PCSK6: variants seen among roughly 807,000 people sequenced by gnomAD.
PCSK6 encodes the protein proprotein convertase subtilisin/kexin type 6.
In PCSK6, 85 loss-of-function variants were observed where a neutral mutation model predicts 123.3. The ratio of observed to expected loss-of-function variants is 0.69; its 90% CI spans 0.58 to 0.83. PCSK6 has a LOEUF of 0.83. PCSK6 is among the 40% of genes least tolerant of loss of function. The pLI, the probability that PCSK6 is intolerant of heterozygous loss-of-function variation, is 0.00. For synonymous variants in PCSK6, 508 were observed against 516.0 expected (o/e 0.98, Z 0.21); for missense variants, 1,191 against 1,282.3 (o/e 0.93, Z 1.09).
At chr15:101,356,055 G>A (rs2041030235) in intron 13 of PCSK6, among the ~76,000 whole-genome samples, 1 of 152,244 alleles carries the variant, frequency 6.6e-6, no homozygotes, top group Non-Finnish European at 1.5e-5. Flanking sequence ...GTGGGAGAAT[G>A]AAGCATACAT....
intron 6 of PCSK6, among the ~76,000 whole-genome samples, chr15:101,401,762 G>A (rs1292034484): frequency 6.6e-6 from 1 of 152,322 alleles, no homozygotes; most frequent in Non-Finnish European, 1.5e-5. Flanking sequence ...TGTGTTTGCT[G>A]CTAGTTTGAC....
At chr15:101,370,027 C>T (rs1159467645) in intron 12 of PCSK6, among the ~76,000 whole-genome samples, 1 of 152,198 alleles carries the variant, frequency 6.6e-6, no homozygotes, top group African/African-American at 2.4e-5. Flanking sequence ...GAAGGCATAG[C>T]CAGAATTCCA....
rs141458326 is a variant in PCSK6 at position 101,356,833 on chromosome 15, G to A, written c.1858+9363C>T. ...TTCCTAAATTGCCTCCTGGAAGAGA[G>A]TGATCCTGGGAGGACCCAGATCCTT... is the stretch of plus-strand genomic sequence containing the variant. On this transcript the variant is annotated intron_variant, in intron 13 of 21. Coordinates refer to ENST00000611716, the MANE Select transcript of PCSK6 (RefSeq NM_002570.5). 1.9e-3 allele frequency among the ~76,000 whole-genome samples: 294 copies of A among 152,314 alleles called. 1 individual carries two copies. The highest frequency in any genetic ancestry group is 6.7e-3 in the African/African-American group (277 of 41,560).
intron 6 of PCSK6, among the ~76,000 whole-genome samples, chr15:101,419,145 A>T (rs1156256130): frequency 6.6e-6 from 1 of 152,188 alleles, no homozygotes; most frequent in East Asian, 1.9e-4. Context: ...TTAAAGAGAT[A>T]AAACCACCAT....
intron 4 of PCSK6, among the ~76,000 whole-genome samples, chr15:101,430,950 C>T (rs1244343307): frequency 6.6e-6 from 1 of 152,186 alleles, no homozygotes; most frequent in Non-Finnish European, 1.5e-5. Context: ...TTTGCAGACC[C>T]AGGATAGGAA....
chr15:101,312,992 G>C (rs893071026), intron 20 of PCSK6: 7 of 1,158,450 alleles, frequency 6.0e-6, no homozygotes, highest in Non-Finnish European at 7.6e-6. Flanking sequence ...GCGACAGAGT[G>C]AGAGTGTGTC....
In PCSK6 at chr15:101,449,588, C is replaced by T. The variant is rs188771762; in HGVS notation, c.298-5928G>A. Among the ~76,000 whole-genome samples, 37 of 152,276 alleles carry T rather than the reference C, an allele frequency of 2.4e-4. No individual in the cohort carries two copies. The East Asian group carries it at 7.1e-3, about 29-fold the overall frequency. Reference sequence around the variant, plus strand: ...GCTGGGTTGCCCTAACTCAGAACTCCAGATCTATGGCTCGCCACCTTCGTA... The same window carrying T: ...GCTGGGTTGCCCTAACTCAGAACTCTAGATCTATGGCTCGCCACCTTCGTA... On this transcript the variant is annotated intron_variant, in intron 1 of 21. Transcript: ENST00000611716.
At chr15:101,341,750 T>C (rs748309366) in intron 13 of PCSK6, among the ~76,000 whole-genome samples, 6 of 152,050 alleles carry the variant, frequency 3.9e-5, no homozygotes, top group Non-Finnish European at 7.4e-5. Flanking sequence ...CTAAGGGAAA[T>C]GATAGCAGAT....
chr15:101,404,765 GC>G (rs527251596), intron 6 of PCSK6, among the ~76,000 whole-genome samples: 107 of 152,256 alleles, frequency 7.0e-4, no homozygotes, highest in Middle Eastern at 6.8e-3. Context: ...GGTTCTCTTT[GC>G]CCTTACTTTC....
At chr15:101,447,481 C>G (rs1386788180) in intron 1 of PCSK6, among the ~76,000 whole-genome samples, 1 of 152,096 alleles carries the variant, frequency 6.6e-6, no homozygotes. Flanking sequence ...AAACCAGCAG[C>G]CTCCCCATTC....
At position 101,398,422 on chromosome 15, in the gene PCSK6, G is replaced by A. The variant is rs770057729; in HGVS notation, c.978C>T (p.Phe326=). Reference sequence around the variant, plus strand: ...CTCACACCTTTTTAATGCCATACTCGAAAGCCTGCTTAGCCAGTCGGCCGG... The same window carrying A: ...CTCACACCTTTTTAATGCCATACTCAAAAGCCTGCTTAGCCAGTCGGCCGG... ...DGPGRLAKQA[F]EYGIKKGRQG... is the part of the protein sequence containing the mutation. Residue 326 remains phenylalanine, a synonymous_variant, in exon 7 of 22, where the codon TTC becomes TTT. Transcript: ENST00000611716. The surrounding 1 kb of genome is among the most constrained non-coding windows in gnomAD (Gnocchi z 4.6). 177 of 1,612,030 alleles carry A rather than the reference G, an allele frequency of 1.1e-4. No individual in the cohort carries two copies. The highest frequency in any genetic ancestry group is 1.4e-4 in the Non-Finnish European group (168 of 1,178,604).
intron 2 of PCSK6, among the ~76,000 whole-genome samples, chr15:101,442,536 C>T (rs958282069): frequency 7.9e-5 from 12 of 152,146 alleles, no homozygotes; most frequent in Admixed American, 5.9e-4. Flanking sequence ...GATCCCTGCT[C>T]AGTCAATACA....
chr15:101,373,306 C>T (rs957890633), intron 11 of PCSK6, among the ~76,000 whole-genome samples: 1 of 152,170 alleles, frequency 6.6e-6, no homozygotes, highest in African/African-American at 2.4e-5. Context: ...CTTACCTTCA[C>T]CTGGGGGCTA....
intron 1 of PCSK6, among the ~76,000 whole-genome samples, chr15:101,462,477 C>T (rs1017569271): frequency 9.9e-5 from 15 of 152,248 alleles, no homozygotes; most frequent in African/African-American, 3.4e-4. Flanking sequence ...TAGCCTAAAA[C>T]TCCTGAAAAA....
intron 1 of PCSK6, among the ~76,000 whole-genome samples, chr15:101,454,530 C>T (rs1441981752): frequency 6.6e-6 from 1 of 152,098 alleles, no homozygotes; most frequent in African/African-American, 2.4e-5. Context: ...GCACTAAGGA[C>T]GAATACTGAA....
chr15:101,314,373 G>A (rs1030051717), intron 19 of PCSK6, among the ~76,000 whole-genome samples: 1 of 152,158 alleles, frequency 6.6e-6, no homozygotes, highest in Non-Finnish European at 1.5e-5. Context: ...GAGGGGCAGT[G>A]AAGTAGTCAC....
intron 9 of PCSK6, among the ~76,000 whole-genome samples, chr15:101,385,969 C>T (rs917969903): frequency 1.3e-5 from 2 of 152,102 alleles, no homozygotes; most frequent in African/African-American, 2.4e-5. Context: ...CAAGAATAAA[C>T]GAACATCTCT....
At chr15:101,440,618 T>C (rs1385622913) in intron 2 of PCSK6, among the ~76,000 whole-genome samples, 1 of 152,226 alleles carries the variant, frequency 6.6e-6, no homozygotes, top group African/African-American at 2.4e-5. Context: ...TCCAGTTTGG[T>C]CATTTGAACA....
At chr15:101,346,484 G>A (rs1288381547) in intron 13 of PCSK6, 1 of 185,672 alleles carries the variant, frequency 5.4e-6, no homozygotes, top group Non-Finnish European at 1.1e-5. Flanking sequence ...AAATGTCAGG[G>A]GAGAAAAAGA....
Sources: allele counts gnomAD v4.1 joint callset (sites outside exome capture counted in the v4.1 genomes callset), GRCh38; gene constraint gnomAD v4.1.1; non-coding constraint Gnocchi (gnomAD v3.1); transcripts MANE v1.5; gene names NCBI Gene and HGNC (gene_info 2026-07-23, HGNC 2026-07-21).